EPHA6: variants seen among roughly 807,000 people sequenced by gnomAD.
EPHA6 encodes EPH receptor A6, also known as ephrin type-A receptor 6.
Under a neutral mutation model 112.0 loss-of-function variants are expected in EPHA6, and 50 were observed. The observed-to-expected ratio is 0.45, with a 90% CI of 0.36 to 0.56. The LOEUF (loss-of-function observed/expected upper bound fraction) is 0.56, where lower values mean the gene tolerates loss of function less well. Among genes scored for constraint, EPHA6 ranks in the 20% least tolerant of loss-of-function variants. The pLI is 0.00. For synonymous variants in EPHA6, 529 were observed against 490.7 expected (o/e 1.08, Z -1.03); for missense variants, 1,280 against 1,417.4 (o/e 0.90, Z 1.56).
At chr3:97,514,162 G>A (rs1167886163) in intron 10 of EPHA6, among the ~76,000 whole-genome samples, 1 of 152,112 alleles carries the variant, frequency 6.6e-6, no homozygotes, top group Non-Finnish European at 1.5e-5. Context: ...TCAGGGTGTT[G>A]GCAGAACTGA....
intron 5 of EPHA6, among the ~76,000 whole-genome samples, chr3:97,358,917 C>T (rs73851229): frequency 4.1e-4 from 63 of 152,130 alleles, no homozygotes; most frequent in African/African-American, 1.4e-3. Flanking sequence ...GTAACCTGTT[C>T]ATAATCTTAT....
At chr3:97,198,170 T>G (rs1270590614) in intron 3 of EPHA6, among the ~76,000 whole-genome samples, 1 of 152,124 alleles carries the variant, frequency 6.6e-6, no homozygotes, top group Non-Finnish European at 1.5e-5. Context: ...AAAGATGTTT[T>G]CTTGTGTGAG....
In EPHA6 at chr3:96,966,256, T is replaced by C. The variant is rs150859855; in HGVS notation, c.451-21074T>C. Among the ~76,000 whole-genome samples, 7 of 152,194 alleles carry C rather than the reference T, an allele frequency of 4.6e-5. No individual in the cohort carries two copies. The East Asian group carries it at 1.4e-3, about 29-fold the overall frequency. ...CAGCATTAAAGTATCCCATCATTAA[T>C]ACGGATTACAGTAACCCATCCAAGG... On this transcript the variant is annotated intron_variant, in intron 2 of 17. Coordinates refer to ENST00000389672, the MANE Select transcript of EPHA6 (RefSeq NM_001080448.3).
intron 5 of EPHA6, among the ~76,000 whole-genome samples, chr3:97,392,512 C>G (rs1413837887): frequency 6.6e-6 from 1 of 151,558 alleles, no homozygotes; most frequent in Admixed American, 6.6e-5. Flanking sequence ...GGAATCATGT[C>G]ATACATATTT....
intron 2 of EPHA6, among the ~76,000 whole-genome samples, chr3:96,966,549 A>G (rs1204988499): frequency 6.6e-6 from 1 of 152,072 alleles, no homozygotes; most frequent in Non-Finnish European, 1.5e-5. Flanking sequence ...AGTTTAAGCA[A>G]TGTTTTTGTT....
At chr3:96,846,448 C>A (rs1311785972) in intron 1 of EPHA6, among the ~76,000 whole-genome samples, 1 of 151,976 alleles carries the variant, frequency 6.6e-6, no homozygotes, top group Admixed American at 6.6e-5. Flanking sequence ...CCAAATAACA[C>A]TAAAGAAGGT....
intron 2 of EPHA6, among the ~76,000 whole-genome samples, chr3:96,937,168 C>T (rs562919390): frequency 2.6e-5 from 4 of 152,272 alleles, no homozygotes; most frequent in South Asian, 4.1e-4. Context: ...AGTTCTAGAT[C>T]CCTGAGGAAT....
chr3:97,397,936 G>T (rs1313634549), intron 5 of EPHA6, among the ~76,000 whole-genome samples: 1 of 151,416 alleles, frequency 6.6e-6, no homozygotes, highest in African/African-American at 2.4e-5. Flanking sequence ...ATGTGCAAAA[G>T]CAAAGAGATT....
intron 5 of EPHA6, among the ~76,000 whole-genome samples, chr3:97,404,608 A>G (rs776228688): frequency 1.2e-4 from 19 of 152,174 alleles, no homozygotes; most frequent in Non-Finnish European, 2.4e-4. Context: ...AAAGTTAAAT[A>G]TTTTAACTTT....
chr3:97,197,195 A>G (rs915030943), intron 3 of EPHA6, among the ~76,000 whole-genome samples: 14 of 152,046 alleles, frequency 9.2e-5, no homozygotes, highest in Non-Finnish European at 1.5e-4. Context: ...AAGCTGCAAG[A>G]TAAAGTTCCC....
At chr3:97,634,365 T>G (rs1312059098) in intron 13 of EPHA6, among the ~76,000 whole-genome samples, 3 of 152,054 alleles carry the variant, frequency 2.0e-5, no homozygotes, top group Non-Finnish European at 2.9e-5. Context: ...TAGAACTATT[T>G]GTAGAGCTTT....
chr3:97,658,015 G>A (rs999902360), intron 14 of EPHA6, among the ~76,000 whole-genome samples: 3 of 151,782 alleles, frequency 2.0e-5, no homozygotes, highest in African/African-American at 7.2e-5. Context: ...TGGAAAGGGG[G>A]AGGAAATAGG....
chr3:97,465,290 T>C (rs1173659444), intron 7 of EPHA6, among the ~76,000 whole-genome samples: 8 of 152,048 alleles, frequency 5.3e-5, no homozygotes, highest in Non-Finnish European at 1.2e-4. Context: ...TATGCATAAG[T>C]AAACAATCTT....
In EPHA6 at chr3:97,150,672, A is replaced by G. The variant is rs143147030; in HGVS notation, c.1115-75592A>G. On this transcript the variant is annotated intron_variant, in intron 3 of 17. Transcript: ENST00000389672. ...TCCAGGGATCTCATGTCTTCTCCCAATGTTCATGAGACTACAATAGCCTAA... is the reference window on the plus strand; with the variant it reads ...TCCAGGGATCTCATGTCTTCTCCCAGTGTTCATGAGACTACAATAGCCTAA... Among the ~76,000 whole-genome samples the G allele has an allele frequency of 2.9e-3, 447 of 152,156 alleles. 1 individual carries two copies. The highest frequency in any genetic ancestry group is 0.01 in the African/African-American group (432 of 41,530).
intron 3 of EPHA6, among the ~76,000 whole-genome samples, chr3:97,060,864 C>G (rs1203759901): frequency 7.6e-6 from 1 of 132,286 alleles, no homozygotes; most frequent in African/African-American, 2.9e-5. Flanking sequence ...GCGGAGCTTA[C>G]AGTGAGCCGA....
At position 96,887,334 on chromosome 3, in the gene EPHA6, C is replaced by T. The variant is rs1051601493; in HGVS notation, c.450+20445C>T. Among the ~76,000 whole-genome samples the T allele has an allele frequency of 5.9e-5, 9 of 152,224 alleles. No individual in the cohort carries two copies. In the South Asian group the frequency reaches 8.3e-4, roughly 14 times the overall value. The stretch of plus-strand genomic sequence containing the variant: ...TCTATGGATGTGGTTTCCTGTGAGC[C>T]GATCTGCAGTGATTGTCTTCTCTCT... On this transcript the variant is annotated intron_variant, in intron 2 of 17. Coordinates refer to ENST00000389672, the MANE Select transcript of EPHA6 (RefSeq NM_001080448.3).
chr3:97,610,889 C>T (rs781384590), intron 13 of EPHA6, 35 bp downstream of exon 13: 3 of 1,469,582 alleles, frequency 2.0e-6, no homozygotes, highest in East Asian at 4.5e-5. Context: ...TTTAAATAAG[C>T]TATTCTCAGT....
intron 6 of EPHA6, among the ~76,000 whole-genome samples, chr3:97,436,652 T>A (rs1240839156): frequency 6.6e-6 from 1 of 152,190 alleles, no homozygotes; most frequent in East Asian, 1.9e-4. Context: ...GTGAAGACAT[T>A]CTTGCAAAAT....
At chr3:96,945,456 G>T (rs879428620) in intron 2 of EPHA6, among the ~76,000 whole-genome samples, 1 of 152,112 alleles carries the variant, frequency 6.6e-6, no homozygotes, top group Non-Finnish European at 1.5e-5. Flanking sequence ...CCATGCATTC[G>T]AGTTATAATT....
Sources: allele counts gnomAD v4.1 joint callset (sites outside exome capture counted in the v4.1 genomes callset), GRCh38; gene constraint gnomAD v4.1.1; transcripts MANE v1.5; gene names NCBI Gene and HGNC (gene_info 2026-07-23, HGNC 2026-07-21).